Variants in PAPOLA observed in about 807,000 individuals in gnomAD.
The protein encoded by PAPOLA is poly(A) polymerase alpha.
PAPOLA carries 15 observed loss-of-function variants against 100.6 expected under a neutral mutation model. The ratio of observed to expected loss-of-function variants is 0.15; its 90% confidence interval spans 0.10 to 0.23. The LOEUF is 0.23. PAPOLA is among the 10% of genes least tolerant of loss of function. PAPOLA has a pLI of 1.00. For synonymous variants in PAPOLA, 293 were observed against 300.0 expected (o/e 0.98, Z 0.24); for missense variants, 533 against 884.2 (o/e 0.60, Z 5.04).
Position 96,544,271 on chromosome 14 carries a change from T to G in PAPOLA, c.1399+13T>G. On this transcript the variant is annotated intron_variant, in intron 15 of 21. Transcript: ENST00000216277. ...TTCACAGATACAGGTATGTCTTTAC[T>G]TGGATAATCAAAACACTTCAGTTCT... The G allele has an allele frequency of 8.0e-7, 1 of 1,244,598 alleles. No individual in the cohort carries two copies. The highest frequency in any genetic ancestry group is 1.2e-6 in the Non-Finnish European group (1 of 848,816). 77.1% of individuals were successfully genotyped at this position (1,244,598 alleles called of 1,614,324 possible).
chr14:96,527,981 T>C lies in PAPOLA; in HGVS notation c.470T>C (p.Ile157Thr). Residue 157 changes from isoleucine (I) to threonine (T), a missense_variant, in exon 6 of 22, where the codon ATT (isoleucine) becomes ACT (threonine). By Grantham distance (89) the Ile-to-Thr change is moderately conservative (BLOSUM62 -1). Coordinates refer to ENST00000216277, the MANE Select transcript of PAPOLA (RefSeq NM_032632.5). The stretch of plus-strand genomic sequence containing the variant: ...GTTGAAGAGGCATTCGTACCAGTTA[T>C]TAAACTCTGTTTTGATGGGATAGAG... ...RAVEEAFVPV[I>T]KLCFDGIEID... The C allele has an allele frequency of 6.2e-7, 1 of 1,608,220 alleles. No homozygotes were observed.
At chr14:96,507,374 G>A (rs1338989429) in intron 1 of PAPOLA, among the ~76,000 whole-genome samples, 2 of 130,898 alleles carry the variant, frequency 1.5e-5, no homozygotes, top group African/African-American at 3.0e-5. Context: ...TGCAAGCTCC[G>A]TCTTCCGGGT....
intron 1 of PAPOLA, among the ~76,000 whole-genome samples, chr14:96,509,977 T>TC (rs1896999895): frequency 6.6e-6 from 1 of 150,970 alleles, no homozygotes; most frequent in Non-Finnish European, 1.5e-5. Flanking sequence ...TTTTTTTTTT[T>TC]TTTTTTTTAA....
intron 16 of PAPOLA, among the ~76,000 whole-genome samples, chr14:96,551,822 A>G (rs1442705666): frequency 6.6e-6 from 1 of 152,190 alleles, no homozygotes; most frequent in Non-Finnish European, 1.5e-5. Context: ...GACCAACATT[A>G]GGATTTGTAT....
chr14:96,521,938 A>C (rs1348721880), intron 3 of PAPOLA, among the ~76,000 whole-genome samples: 2 of 151,928 alleles, frequency 1.3e-5, no homozygotes, highest in Non-Finnish European at 2.9e-5. Flanking sequence ...AGTAGCTGGA[A>C]TTGCAGGCGG....
intron 10 of PAPOLA, 182 bp downstream of exon 10, chr14:96,534,745 T>G (rs1899374385): frequency 7.1e-7 from 1 of 1,409,780 alleles, no homozygotes; most frequent in Non-Finnish European, 9.2e-7. Flanking sequence ...AGAAGCATAA[T>G]TATGTACCCT....
rs113573018 is a variant in PAPOLA, at chr14:96,517,569, GAAAA to G, written c.9-2480_9-2477del. ...CAGTGATATCTCAATAAAACTGGGG[GAAAA>G]AAAAACCTGTGTGTGATGAACAAGA... is the stretch of plus-strand genomic sequence containing the variant. On this transcript the variant is annotated intron_variant, in intron 1 of 21. Transcript: ENST00000216277. Among the ~76,000 whole-genome samples the G allele has an allele frequency of 6.0e-5, 9 of 149,838 alleles. 2 individuals carry two copies. The highest frequency in any genetic ancestry group is 2.2e-4 in the African/African-American group (9 of 40,882).
At chr14:96,503,446 GT>G (rs1250447382) in intron 1 of PAPOLA, among the ~76,000 whole-genome samples, 6 of 150,134 alleles carry the variant, frequency 4.0e-5, no homozygotes, top group South Asian at 2.1e-4. Flanking sequence ...TTTTTAAAAA[GT>G]TTTTTTCTCC....
chr14:96,544,949 C>T (rs1041462104), intron 15 of PAPOLA, among the ~76,000 whole-genome samples: 3 of 152,004 alleles, frequency 2.0e-5, no homozygotes, highest in African/African-American at 7.2e-5. Flanking sequence ...TAACCAAAGA[C>T]CAAATGGTGG....
rs748655985 is a variant in PAPOLA at position 96,520,832 on chromosome 14, A to AAG, written c.183-160_183-159dup. The AAG allele has an allele frequency of 9.1e-4, 474 of 519,972 alleles. 1 individual carries two copies. The highest frequency in any genetic ancestry group is 7.9e-3 in the African/African-American group (409 of 51,914). The allele number at this position is 519,972 out of a possible 1,614,324, so 32.2% of individuals were successfully genotyped here. Reference sequence around the variant, plus strand: ...AACAGTGCCTGTATATATATATAGAAAGAGAGAGAGAGAGAAAGCGAGAGA... The same window carrying AAG: ...AACAGTGCCTGTATATATATATAGAAAGAGAGAGAGAGAGAGAAAGCGAGAGA... On this transcript the variant is annotated intron_variant, in intron 2 of 21. Coordinates refer to ENST00000216277, the MANE Select transcript of PAPOLA (RefSeq NM_032632.5).
chr14:96,560,309 T>A, intron 19 of PAPOLA: 1 of 184,538 alleles, frequency 5.4e-6, no homozygotes, highest in Non-Finnish European at 1.1e-5. Context: ...GGTGATACTA[T>A]GCCAAGTTCC....
At chr14:96,542,103 T>G (rs1900042205) in intron 12 of PAPOLA, 140 bp from the exon 13 acceptor site, 1 of 495,690 alleles carries the variant, frequency 2.0e-6, no homozygotes, top group South Asian at 3.5e-5. Flanking sequence ...TATATGATTT[T>G]ATGTGCATAT....
At chr14:96,512,414 A>G (rs1897165186) in intron 1 of PAPOLA, among the ~76,000 whole-genome samples, 1 of 152,194 alleles carries the variant, frequency 6.6e-6, no homozygotes, top group African/African-American at 2.4e-5. Flanking sequence ...ATGACTACAT[A>G]TTGTAAATGA....
At chr14:96,537,097 T>C in intron 12 of PAPOLA, 37 bp downstream of exon 12, 1 of 1,092,608 alleles carries the variant, frequency 9.2e-7, no homozygotes, top group Non-Finnish European at 1.4e-6. Flanking sequence ...TGTTGCTCTC[T>C]TAAGTAATGG....
At chr14:96,542,053 G>A in intron 12 of PAPOLA, 190 bp from the exon 13 acceptor site, 1 of 392,980 alleles carries the variant, frequency 2.5e-6, no homozygotes, top group Non-Finnish European at 4.6e-6. Flanking sequence ...TTTTTCAGAA[G>A]AATTAAACTC....
At chr14:96,507,625 T>C (rs1009385220) in intron 1 of PAPOLA, among the ~76,000 whole-genome samples, 7 of 152,234 alleles carry the variant, frequency 4.6e-5, no homozygotes, top group Non-Finnish European at 1.0e-4. Context: ...TCTTGTTATT[T>C]AAATGAATAA....
chr14:96,561,940 G>T (rs1022353809), intron 20 of PAPOLA, among the ~76,000 whole-genome samples: 2 of 151,356 alleles, frequency 1.3e-5, no homozygotes, highest in African/African-American at 4.9e-5. Flanking sequence ...TGTCGCCCAG[G>T]CTGGAGTGCA....
intron 19 of PAPOLA, among the ~76,000 whole-genome samples, chr14:96,557,289 G>A (rs922104501): frequency 6.6e-6 from 1 of 152,288 alleles, no homozygotes. Context: ...GGGCTCAAGC[G>A]ATCCTCCTGT....
At chr14:96,502,970 C>T in intron 1 of PAPOLA, 1 of 249,664 alleles carries the variant, frequency 4.0e-6, no homozygotes. Flanking sequence ...GAACCACGAC[C>T]CTGCTGCACG....
Sources: gnomAD v4.1 joint callset for allele counts (sites outside exome capture counted in the v4.1 genomes callset) on GRCh38, gnomAD v4.1.1 for gene constraint, MANE v1.5 for transcripts, NCBI Gene and HGNC (gene_info 2026-07-23, HGNC 2026-07-21) for gene names.